DNAH8: variants seen among roughly 807,000 people sequenced by gnomAD.
DNAH8 encodes dynein axonemal heavy chain 8.
Under a neutral mutation model 562.1 loss-of-function variants are expected in DNAH8, and 382 were observed. The ratio of observed to expected loss-of-function variants is 0.68; its 90% confidence interval spans 0.63 to 0.74. DNAH8 has a LOEUF of 0.74. Among genes scored for constraint, DNAH8 ranks in the 30% least tolerant of loss-of-function variants. The pLI, the probability that DNAH8 is intolerant of heterozygous loss-of-function variation, is 0.00. For missense variants in DNAH8, 5,203 were observed against 5,620.4 expected, an observed-to-expected ratio of 0.93 and a Z score of 2.37; for synonymous variants, 1,881 against 1,919.4, an observed-to-expected ratio of 0.98 and a Z score of 0.52.
intron 68 of DNAH8, among the ~76,000 whole-genome samples, chr6:38,916,279 C>A (rs1205372969): frequency 6.6e-6 from 1 of 152,142 alleles, no homozygotes; most frequent in Non-Finnish European, 1.5e-5. Flanking sequence ...AAACGTGCCT[C>A]CACCTCTGCT....
At chr6:38,819,817 T>G (rs1295080882) in intron 26 of DNAH8, among the ~76,000 whole-genome samples, 1 of 152,154 alleles carries the variant, frequency 6.6e-6, no homozygotes, top group East Asian at 1.9e-4. Context: ...CCCAGTATTT[T>G]TACATTTACC....
At chr6:38,836,028 A>G (rs774590667) in intron 32 of DNAH8, among the ~76,000 whole-genome samples, 9 of 152,190 alleles carry the variant, frequency 5.9e-5, no homozygotes, top group Non-Finnish European at 1.3e-4. Context: ...TGGATGGATC[A>G]TGAATTTATT....
intron 11 of DNAH8, 127 bp downstream of exon 11, chr6:38,761,930 G>T (rs1766558645): frequency 2.0e-6 from 1 of 498,754 alleles, no homozygotes. Context: ...AATATAAAAA[G>T]AATACAATTC....
In DNAH8 at chr6:38,870,502, C is replaced by G. The variant is rs1777384860; in HGVS notation, c.6930C>G (p.Ala2310=). 6.2e-7 allele frequency: 1 copy of G among 1,613,966 alleles called. No homozygotes were observed. Among genetic ancestry groups the G allele is most frequent in the African/African-American group, 1.3e-5 (1 of 75,000 alleles). ...ATGCAGAACTGCAAAACGCAGTAGC[C>G]CATCAGGTTCAGATAGAGGGTTTGA... ...NTYAELQNAV[A]HQVQIEGLIN... Residue 2310 remains alanine (A), a synonymous_variant, in exon 49 of 93, where the codon GCC becomes GCG. Coordinates refer to ENST00000327475, the MANE Select transcript of DNAH8 (RefSeq NM_001206927.2).
At chr6:38,848,593 A>G in intron 36 of DNAH8, 55 bp from the exon 37 acceptor site, 1 of 1,444,016 alleles carries the variant, frequency 6.9e-7, no homozygotes, top group Non-Finnish European at 9.6e-7. Flanking sequence ...CGGTAAGGCC[A>G]TACTATTTTC....
intron 88 of DNAH8, among the ~76,000 whole-genome samples, chr6:38,994,259 A>G (rs1452160090): frequency 1.3e-5 from 2 of 152,156 alleles, no homozygotes; most frequent in Admixed American, 6.5e-5. Context: ...GGACTTATTT[A>G]TATGTTAGGG....
rs1436367216 is a variant in DNAH8 at position 38,723,370 on chromosome 6, C to G, written c.424C>G (p.Leu142Val). ...RFREARESRR[L>V]KIDPSYKYIF... The stretch of plus-strand genomic sequence containing the variant: ...TAGAGAGGCAAGGGAAAGCCGAAGA[C>G]TGAAAATTGACCCTTCATACAAATA... Residue 142 changes from leucine to valine, a missense_variant, in exon 3 of 93, where the codon CTG (leucine) becomes GTG (valine). Physicochemically the swap from Leu to Val is conservative, Grantham distance 32. Around this residue, in one of 6 missense-constraint regions of DNAH8, gnomAD observed 556 missense variants for 496.9 expected, o/e 1.12. Coordinates refer to ENST00000327475, the MANE Select transcript of DNAH8 (RefSeq NM_001206927.2). The G allele has an allele frequency of 6.2e-7, 1 of 1,611,482 alleles. No homozygotes were observed. Among genetic ancestry groups the G allele is most frequent in the Admixed American group, 1.7e-5 (1 of 59,770 alleles).
chr6:38,776,195 A>G (rs1768051039), intron 13 of DNAH8, among the ~76,000 whole-genome samples: 1 of 151,646 alleles, frequency 6.6e-6, no homozygotes, highest in Admixed American at 6.6e-5. Context: ...TAGAAGCCCA[A>G]AGGGCTTTTA....
rs1678682 is a variant in DNAH8 at position 38,805,396 on chromosome 6, A to G, written c.3035-85A>G. The G allele has an allele frequency of 0.43, 342,729 of 789,808 alleles. 79,048 individuals are homozygous for G. The highest frequency in any genetic ancestry group is 0.79 in the East Asian group (30,361 of 38,218). The allele number at this position is 789,808 out of a possible 1,614,324, so 48.9% of individuals were successfully genotyped here. On this transcript the variant is annotated intron_variant, in intron 22 of 92. Transcript: ENST00000327475. ...AAAAGTAAGAGCTTTTTAAAAAGGAACTTCCTAAGAGGATTTGGCCATGTA... is the reference window on the plus strand; with the variant it reads ...AAAAGTAAGAGCTTTTTAAAAAGGAGCTTCCTAAGAGGATTTGGCCATGTA...
At chr6:38,855,275 T>C (rs916175076) in intron 41 of DNAH8, among the ~76,000 whole-genome samples, 2 of 152,124 alleles carry the variant, frequency 1.3e-5, no homozygotes, top group Non-Finnish European at 2.9e-5. Flanking sequence ...GTGGAATACA[T>C]AGGTGATGGG....
chr6:38,725,128 C>T (rs1221907737), intron 3 of DNAH8, among the ~76,000 whole-genome samples: 2 of 151,930 alleles, frequency 1.3e-5, no homozygotes, highest in East Asian at 3.9e-4. Context: ...AATGGTGAAA[C>T]CCTGTCTCTA....
rs756004522 is a variant in DNAH8 at position 38,909,498 on chromosome 6, G to C, written c.9514-20G>C. The C allele has an allele frequency of 1.4e-5, 22 of 1,611,838 alleles. No individual in the cohort carries two copies. The highest frequency in any genetic ancestry group is 1.6e-4 in the Middle Eastern group (1 of 6,082). ...TAACCCCTCTGTGTTTCTAATGTTT[G>C]TTGACTTTGCTATCAATAGGTTGGT... On this transcript the variant is annotated intron_variant, in intron 64 of 92. Transcript: ENST00000327475.
chr6:38,988,484 A>T (rs1053959884), intron 87 of DNAH8, among the ~76,000 whole-genome samples: 9 of 152,184 alleles, frequency 5.9e-5, no homozygotes, highest in Admixed American at 4.6e-4. Context: ...AATTTAAGTC[A>T]TCCACGTCGT....
rs1563035057 is a variant in DNAH8 at position 38,863,928 on chromosome 6, G to T, written c.6366G>T (p.Leu2122Phe). 2 of 1,612,156 alleles carry T rather than the reference G, an allele frequency of 1.2e-6. No homozygotes were observed. The highest frequency in any genetic ancestry group is 1.7e-6 in the Non-Finnish European group (2 of 1,179,612). Residue 2122 changes from leucine to phenylalanine, a missense_variant, in exon 45 of 93, where the codon TTG becomes TTT. By Grantham distance (22) the Leu-to-Phe change is conservative (BLOSUM62 0). Coordinates refer to ENST00000327475, the MANE Select transcript of DNAH8 (RefSeq NM_001206927.2). ...GCFDEFNRIE[L>F]PVLSVAAQQI... ...TTGATGAGTTTAACAGAATTGAATT[G>T]CCTGTATTATCAGTGGCAGCACAAC...
At chr6:38,982,631 C>A (rs909915550) in intron 86 of DNAH8, among the ~76,000 whole-genome samples, 169 bp downstream of exon 86, 1 of 152,124 alleles carries the variant, frequency 6.6e-6, no homozygotes, top group Non-Finnish European at 1.5e-5. Context: ...TGTCCCTGCC[C>A]CCAACACTCA....
At chr6:38,725,591 C>G (rs1763152479) in intron 3 of DNAH8, among the ~76,000 whole-genome samples, 1 of 152,044 alleles carries the variant, frequency 6.6e-6, no homozygotes, top group Non-Finnish European at 1.5e-5. Context: ...GTACGTAAAA[C>G]AAGAGGTGTC....
intron 70 of DNAH8, among the ~76,000 whole-genome samples, chr6:38,919,578 C>A (rs1781546068): frequency 6.6e-6 from 1 of 151,986 alleles, no homozygotes; most frequent in Admixed American, 6.5e-5. Flanking sequence ...TCAGTATAAA[C>A]AAAGAACATG....
chr6:38,986,287 A>G (rs1764392985), intron 87 of DNAH8, among the ~76,000 whole-genome samples: 1 of 152,218 alleles, frequency 6.6e-6, no homozygotes. Flanking sequence ...AGAAGCAATG[A>G]TCTATACGAC....
chr6:38,989,231 A>G (rs998788528), intron 87 of DNAH8, among the ~76,000 whole-genome samples: 2 of 151,612 alleles, frequency 1.3e-5, no homozygotes, highest in Admixed American at 1.3e-4. Flanking sequence ...CTGCATTTCC[A>G]CTCTTCCTGT....
Sources: gnomAD v4.1 joint callset for allele counts (sites outside exome capture counted in the v4.1 genomes callset) on GRCh38, gnomAD v4.1.1 for gene constraint, gnomAD v4.1.1 regional missense constraint, MANE v1.5 for transcripts, NCBI Gene and HGNC (gene_info 2026-07-23, HGNC 2026-07-21) for gene names.